LTN1: variants seen among roughly 807,000 people sequenced by gnomAD.
LTN1 encodes the protein listerin E3 ubiquitin protein ligase 1.
Under a neutral mutation model 201.2 loss-of-function variants are expected in LTN1, and 88 were observed. The observed-to-expected ratio is 0.44, with a 90% CI of 0.37 to 0.52. LTN1 has a LOEUF of 0.52. Among genes scored for constraint, LTN1 ranks in the 20% least tolerant of loss-of-function variants. LTN1 has a pLI of 0.00. For missense variants in LTN1, 1,752 were observed against 2,038.7 expected, an observed-to-expected ratio of 0.86 and a Z score of 2.71; for synonymous variants, 645 against 713.5, an observed-to-expected ratio of 0.90 and a Z score of 1.53.
chr21:28,936,706 G>A lies in LTN1; in HGVS notation c.4483-9C>T, dbSNP rs954270125. ...GAATACAAAGCCCGAAGCTGGTGGA[G>A]AGCAAAGAATTTGTTAGTAAACCAA... On this transcript the variant is annotated splice_polypyrimidine_tract_variant and intron_variant, in intron 25 of 29. Transcript: ENST00000361371. 6.3e-7 allele frequency: 1 copy of A among 1,598,978 alleles called. No homozygotes were observed. The highest frequency in any genetic ancestry group is 8.5e-7 in the Non-Finnish European group (1 of 1,170,406).
chr21:28,932,332 A>G (rs1381659167), intron 28 of LTN1, 138 bp downstream of exon 28: 2 of 734,676 alleles, frequency 2.7e-6, no homozygotes, highest in Non-Finnish European at 4.7e-6. Flanking sequence ...CCATTTAGGC[A>G]TATCTCTGTA....
chr21:28,982,222 A>T, intron 5 of LTN1, 94 bp downstream of exon 5: 1 of 1,167,870 alleles, frequency 8.6e-7, no homozygotes. Flanking sequence ...GTCTCAAAAA[A>T]AAAACAAAAA....
intron 1 of LTN1, among the ~76,000 whole-genome samples, chr21:28,988,011 C>T (rs912186365): frequency 1.2e-4 from 18 of 152,006 alleles, no homozygotes; most frequent in African/African-American, 4.3e-4. Flanking sequence ...GGCGTGGTGG[C>T]GCACGCCTGT....
intron 15 of LTN1, 36 bp from the exon 16 acceptor site, chr21:28,956,984 TTACC>T: frequency 7.7e-7 from 1 of 1,298,216 alleles, no homozygotes; most frequent in Non-Finnish European, 1.1e-6. Context: ...AAATTATTTA[TTACC>T]TAAGCAATTG....
Position 28,977,620 on chromosome 21 carries a change from G to A in LTN1, c.810+3499C>T, listed in dbSNP as rs192770519. On this transcript the variant is annotated intron_variant, in intron 6 of 29. Transcript: ENST00000361371. ...CGCCTCTAATCCCAGCTACTCGGGA[G>A]GCTGAGGCAGGAGAACAGCTTGAAC... 1.6e-3 allele frequency among the ~76,000 whole-genome samples: 241 copies of A among 152,278 alleles called. 3 individuals are homozygous for A. Among genetic ancestry groups the A allele is most frequent in the African/African-American group, 5.6e-3 (234 of 41,556 alleles).
chr21:28,954,092 G>C (rs1244379356), intron 16 of LTN1, among the ~76,000 whole-genome samples: 1 of 152,064 alleles, frequency 6.6e-6, no homozygotes, highest in African/African-American at 2.4e-5. Context: ...AATAATATCT[G>C]ACTAATGAGC....
At chr21:28,947,701 G>A in intron 18 of LTN1, 95 bp from the exon 19 acceptor site, 1 of 681,012 alleles carries the variant, frequency 1.5e-6, no homozygotes, top group Non-Finnish European at 2.3e-6. Context: ...AAAGATAGAT[G>A]AATAATTCTA....
Position 28,970,642 on chromosome 21 carries a change from T to G in LTN1, c.1085A>C (p.Tyr362Ser). 6.2e-7 allele frequency: 1 copy of G among 1,613,786 alleles called. No homozygotes were observed. Among genetic ancestry groups the G allele is most frequent in the South Asian group, 1.1e-5 (1 of 91,074 alleles). Residue 362 changes from tyrosine to serine, a missense_variant, in exon 8 of 30, where the codon TAC (tyrosine) becomes TCC (serine). Coordinates refer to ENST00000361371, the MANE Select transcript of LTN1 (RefSeq NM_015565.3). ...GRGLATVIYP[Y>S]LLPFISKLPQ... ...GAGCTTGCTGATGAATGGCAGAAGG[T>G]AAGGATATATGACAGTAGCTAGACC...
Position 28,957,434 on chromosome 21 carries a change from T to C in LTN1, c.2790A>G (p.Thr930=). The C allele has an allele frequency of 1.3e-6, 2 of 1,591,120 alleles. No individual in the cohort carries two copies. Among genetic ancestry groups the C allele is most frequent in the Non-Finnish European group, 1.7e-6 (2 of 1,171,728 alleles). Residue 930 remains threonine, a synonymous_variant, in exon 15 of 30, where the codon ACA becomes ACG. Transcript: ENST00000361371. ...LLSAVDDLLN[T]LLESEDSYLM... The stretch of plus-strand genomic sequence containing the variant: ...GATAAGAATCTTCACTCTCTAGAAG[T>C]GTATTTAGCAAATCATCAACAGCAG...
chr21:28,941,181 T>TA (rs1373341198), intron 25 of LTN1, 39 bp downstream of exon 25: 1 of 1,443,100 alleles, frequency 6.9e-7, no homozygotes, highest in Non-Finnish European at 9.6e-7. Context: ...AGAAGCATAT[T>TA]AGGACAGAAC....
Position 28,986,829 on chromosome 21 carries a change from CA to C in LTN1, c.147del (p.Ala50LeufsTer12). 1 of 1,613,460 alleles carries C rather than the reference CA, an allele frequency of 6.2e-7. No individual in the cohort carries two copies. Among genetic ancestry groups the C allele is most frequent in the Non-Finnish European group, 8.5e-7 (1 of 1,179,400 alleles). ...TCAATTTCTTCAGCTCCTTGAATAGCAGGAACATAGCCTAGGTCACTCTGAG... is the reference window on the plus strand; with the variant it reads ...TCAATTTCTTCAGCTCCTTGAATAGCGGAACATAGCCTAGGTCACTCTGAG... The part of the protein sequence containing the change: ...GTSQSDLGYV[P>X]AIQGAEEIDS... On this transcript the variant is annotated frameshift_variant, in exon 2 of 30. Coordinates refer to ENST00000361371, the MANE Select transcript of LTN1 (RefSeq NM_015565.3). LOFTEE classifies it high-confidence loss of function. The surrounding 1 kb of genome is among the most constrained non-coding windows in gnomAD (Gnocchi z 4.1).
At chr21:28,959,277 C>A in intron 13 of LTN1, 181 bp downstream of exon 13, 1 of 625,870 alleles carries the variant, frequency 1.6e-6, no homozygotes. Context: ...GAAATAACAT[C>A]TACGTACATC....
At chr21:28,957,195 T>A in intron 15 of LTN1, 137 bp downstream of exon 15, 1 of 858,488 alleles carries the variant, frequency 1.2e-6, no homozygotes, top group Non-Finnish European at 1.7e-6. Flanking sequence ...ACATCCAGTA[T>A]ATGAGCATAC....
At chr21:28,953,542 A>C (rs1242186456) in intron 16 of LTN1, among the ~76,000 whole-genome samples, 166 bp from the exon 17 acceptor site, 1 of 152,192 alleles carries the variant, frequency 6.6e-6, no homozygotes, top group Non-Finnish European at 1.5e-5. Flanking sequence ...GACAATGAAA[A>C]CTGAGAATAT....
At chr21:28,973,593 CA>C (rs952878752) in intron 6 of LTN1, among the ~76,000 whole-genome samples, 4 of 151,846 alleles carry the variant, frequency 2.6e-5, no homozygotes, top group African/African-American at 9.7e-5. Context: ...CTAGCTATGC[CA>C]AGAAACTTTG....
chr21:28,932,392 T>C, intron 28 of LTN1, 78 bp downstream of exon 28: 1 of 1,114,488 alleles, frequency 9.0e-7, no homozygotes, highest in Non-Finnish European at 1.3e-6. Flanking sequence ...AGAAAAGATA[T>C]ATTTTATGTT....
At chr21:28,931,724 G>A (rs1043113876) in intron 28 of LTN1, among the ~76,000 whole-genome samples, 32 of 152,226 alleles carry the variant, frequency 2.1e-4, no homozygotes, top group South Asian at 4.1e-4. Flanking sequence ...TTTCTTGGCC[G>A]GGAGCGGTAG....
Position 28,966,503 on chromosome 21 carries a change from T to A in LTN1, c.1988A>T (p.Tyr663Phe), listed in dbSNP as rs778472388. 3 of 1,614,134 alleles carry A rather than the reference T, an allele frequency of 1.9e-6. No homozygotes were observed. The highest frequency in any genetic ancestry group is 2.5e-6 in the Non-Finnish European group (3 of 1,180,004). Residue 663 changes from tyrosine (Y) to phenylalanine (F), a missense_variant, in exon 10 of 30, where the codon TAC becomes TTC. Tyr to Phe is a conservative substitution (Grantham distance 22, BLOSUM62 3). Coordinates refer to ENST00000361371, the MANE Select transcript of LTN1 (RefSeq NM_015565.3). ...VQKNPAVQFLYQKLIGWLNED... is the reference protein window; with the variant it reads ...VQKNPAVQFLFQKLIGWLNED... ...ATTTAGCCAACCTATCAGTTTCTGG[T>A]ATAAAAACTGCACCGCAGGATTTTT...
At position 28,992,863 on chromosome 21, in the gene LTN1, C is replaced by T; in HGVS notation, c.-58G>A. The stretch of plus-strand genomic sequence containing the variant: ...GACCCCGGTTGACACGTCCGGGACA[C>T]AACTTCCGGCTTCTGGCGGCGGAAG... On this transcript the variant is annotated 5_prime_UTR_variant, in exon 1 of 30. In the 5' UTR this introduces an upstream ATG that the reference lacks. Coordinates refer to ENST00000361371, the MANE Select transcript of LTN1 (RefSeq NM_015565.3). The T allele has an allele frequency of 1.2e-6, 2 of 1,613,762 alleles. No homozygotes were observed. Among genetic ancestry groups the T allele is most frequent in the Non-Finnish European group, 1.7e-6 (2 of 1,179,836 alleles).
Sources: gnomAD v4.1 joint callset for allele counts (sites outside exome capture counted in the v4.1 genomes callset) on GRCh38, gnomAD v4.1.1 for gene constraint, Gnocchi (gnomAD v3.1) non-coding constraint, MANE v1.5 for transcripts, NCBI Gene and HGNC (gene_info 2026-07-23, HGNC 2026-07-21) for gene names.